CCDC191: variants seen among roughly 807,000 people sequenced by gnomAD.
CCDC191 encodes the protein coiled-coil domain containing 191.
CCDC191 carries 99 observed loss-of-function variants against 114.0 expected under a neutral mutation model. The ratio of observed to expected loss-of-function variants is 0.87; its 90% CI spans 0.74 to 1.03. CCDC191 has a LOEUF of 1.03. Among genes scored for constraint, CCDC191 ranks in the 50% least tolerant of loss-of-function variants. The probability of loss-of-function intolerance (pLI) is 0.00; values close to 1 mark genes in which losing one functional copy is unlikely to be tolerated. For missense variants in CCDC191, 973 were observed against 1,087.0 expected, an observed-to-expected ratio of 0.90 and a Z score of 1.47; for synonymous variants, 351 against 376.0, an observed-to-expected ratio of 0.93 and a Z score of 0.77.
chr3:113,991,661 T>C (rs2075570504), intron 13 of CCDC191, among the ~76,000 whole-genome samples: 1 of 152,198 alleles, frequency 6.6e-6, no homozygotes, highest in Non-Finnish European at 1.5e-5. Context: ...CTGGAAGTCC[T>C]AACTAATGTG....
intron 13 of CCDC191, among the ~76,000 whole-genome samples, chr3:113,997,727 A>G (rs978917787): frequency 1.5e-4 from 23 of 152,316 alleles, no homozygotes; most frequent in Non-Finnish European, 1.6e-4. Context: ...ATATACAGTC[A>G]TATGCTACAT....
intron 16 of CCDC191, among the ~76,000 whole-genome samples, chr3:113,974,455 G>C (rs1010620614): frequency 6.6e-6 from 1 of 152,026 alleles, no homozygotes; most frequent in Admixed American, 6.6e-5. Context: ...GAGTAGGTGG[G>C]ACTACAGATG....
chr3:113,978,364 A>G, intron 15 of CCDC191, 33 bp from the exon 16 acceptor site: 1 of 1,607,794 alleles, frequency 6.2e-7, no homozygotes. Context: ...AAGTGAGACA[A>G]AAAATATCAG....
intron 13 of CCDC191, among the ~76,000 whole-genome samples, chr3:113,989,520 T>C (rs1258410164): frequency 6.6e-6 from 1 of 152,164 alleles, no homozygotes; most frequent in East Asian, 1.9e-4. Flanking sequence ...TATCTGAAAG[T>C]CCTCAAATAT....
At chr3:113,971,847 A>G (rs1391027199) in intron 16 of CCDC191, among the ~76,000 whole-genome samples, 1 of 152,068 alleles carries the variant, frequency 6.6e-6, no homozygotes, top group African/African-American at 2.4e-5. Context: ...TTACAGCTTC[A>G]ATCTCATTAC....
chr3:114,001,337 T>A (rs965174318), intron 13 of CCDC191, among the ~76,000 whole-genome samples: 1 of 151,898 alleles, frequency 6.6e-6, no homozygotes, highest in African/African-American at 2.4e-5. Context: ...TTGATGAGAG[T>A]CCACAAAGGG....
At chr3:113,965,995 C>T (rs1940120985) in intron 16 of CCDC191, among the ~76,000 whole-genome samples, 1 of 152,092 alleles carries the variant, frequency 6.6e-6, no homozygotes, top group East Asian at 1.9e-4. Flanking sequence ...GAGGCACACT[C>T]CTGAGTTGAT....
intron 11 of CCDC191, chr3:114,003,068 G>A: frequency 1.0e-6 from 1 of 985,344 alleles, no homozygotes; most frequent in African/African-American, 1.7e-5. Context: ...TTTAAGGCCT[G>A]GATATACAGA....
intron 8 of CCDC191, among the ~76,000 whole-genome samples, chr3:114,018,215 C>A (rs1577425761): frequency 6.6e-6 from 1 of 152,198 alleles, no homozygotes; most frequent in Non-Finnish European, 1.5e-5. Context: ...AAGCCAAACA[C>A]CCTCTTTTGA....
chr3:113,989,210 T>G lies in CCDC191; in HGVS notation c.2164-8417A>C, dbSNP rs185256631. On this transcript the variant is annotated intron_variant, in intron 13 of 16. Coordinates refer to ENST00000295878, the MANE Select transcript of CCDC191 (RefSeq NM_020817.2). ...TCTCAAGTTTAGTTAGAAACTTCAA[T>G]AGTCCTCTCTCAATAACTGATAGAA... 3.5e-3 allele frequency among the ~76,000 whole-genome samples: 534 copies of G among 152,346 alleles called. 30 individuals are homozygous for G. The South Asian group carries it at 0.11, about 30-fold the overall frequency.
At chr3:114,012,902 T>C (rs745695103) in intron 8 of CCDC191, among the ~76,000 whole-genome samples, 21 of 152,112 alleles carry the variant, frequency 1.4e-4, no homozygotes, top group Non-Finnish European at 2.1e-4. Context: ...AGTAAAAAAA[T>C]GCATGTTCAA....
intron 9 of CCDC191, among the ~76,000 whole-genome samples, chr3:114,009,854 A>C (rs2076038580): frequency 2.0e-5 from 3 of 152,220 alleles, no homozygotes; most frequent in Non-Finnish European, 2.9e-5. Flanking sequence ...CCAGTAATAC[A>C]GGAGCTAAAC....
chr3:113,970,335 C>A (rs970636517), intron 16 of CCDC191, among the ~76,000 whole-genome samples: 1 of 151,918 alleles, frequency 6.6e-6, no homozygotes, highest in Non-Finnish European at 1.5e-5. Flanking sequence ...AATTTGGATA[C>A]ATTTTTTTTA....
intron 13 of CCDC191, among the ~76,000 whole-genome samples, chr3:113,993,840 G>A (rs1379153549): frequency 5.9e-5 from 9 of 152,122 alleles, no homozygotes; most frequent in South Asian, 2.1e-4. Flanking sequence ...AGCCGAGATC[G>A]TGCCACTGCA....
At chr3:113,995,145 A>C (rs1386718913) in intron 13 of CCDC191, among the ~76,000 whole-genome samples, 2 of 152,230 alleles carry the variant, frequency 1.3e-5, no homozygotes, top group Non-Finnish European at 2.9e-5. Context: ...AAGGCAAAAC[A>C]CATAGGGATA....
chr3:113,977,477 C>G (rs928853787), intron 16 of CCDC191, among the ~76,000 whole-genome samples: 1 of 152,124 alleles, frequency 6.6e-6, no homozygotes, highest in African/African-American at 2.4e-5. Flanking sequence ...ATAAAACTTA[C>G]TTATACAGAA....
intron 8 of CCDC191, among the ~76,000 whole-genome samples, chr3:114,017,798 C>T (rs1188939096): frequency 6.6e-6 from 1 of 152,102 alleles, no homozygotes; most frequent in Non-Finnish European, 1.5e-5. Flanking sequence ...ACCACCATGG[C>T]ATACGTATAC....
Position 114,022,440 on chromosome 3 carries a change from G to A in CCDC191, c.973-3572C>T, listed in dbSNP as rs116022757. 4.7e-3 allele frequency among the ~76,000 whole-genome samples: 711 copies of A among 152,244 alleles called. 7 individuals carry two copies. Among genetic ancestry groups the A allele is most frequent in the African/African-American group, 0.016 (673 of 41,546 alleles). On this transcript the variant is annotated intron_variant, in intron 7 of 16. Transcript: ENST00000295878. The stretch of plus-strand genomic sequence containing the variant: ...TTTCTCTTTTGTCAGAAAGCTCAGT[G>A]ATAATTGCATCAAAATTCTCCGTCA...
At chr3:114,000,825 T>A (rs541709024) in intron 13 of CCDC191, among the ~76,000 whole-genome samples, 9 of 148,698 alleles carry the variant, frequency 6.1e-5, no homozygotes, top group African/African-American at 2.0e-4. Context: ...ATGATTAAAA[T>A]TTTTTTTTTA....
Sources: gnomAD v4.1 joint callset for allele counts (sites outside exome capture counted in the v4.1 genomes callset) on GRCh38, gnomAD v4.1.1 for gene constraint, MANE v1.5 for transcripts, NCBI Gene and HGNC (gene_info 2026-07-23, HGNC 2026-07-21) for gene names.